The following HMGA2 variants were observed in gnomAD, a reference collection of about 807,000 sequenced individuals.
The protein encoded by HMGA2 is high mobility group AT-hook 2.
In HMGA2, 8 loss-of-function variants were observed where a neutral mutation model predicts 19.1. The observed-to-expected ratio is 0.42, with a 90% CI of 0.25 to 0.76. The LOEUF (loss-of-function observed/expected upper bound fraction) is 0.76. Among genes scored for constraint, HMGA2 ranks in the 30% least tolerant of loss-of-function variants. HMGA2 has a pLI of 0.28. For synonymous variants in HMGA2, 60 were observed against 48.8 expected (o/e 1.23, Z -0.96); for missense variants, 109 against 136.3 (o/e 0.80, Z 1.00).
At chr12:65,850,328 G>A (rs1426908437) in intron 3 of HMGA2, among the ~76,000 whole-genome samples, 1 of 152,166 alleles carries the variant, frequency 6.6e-6, no homozygotes, top group Non-Finnish European at 1.5e-5. Context: ...ACTGTTGGAA[G>A]TTCTTAGGGA....
chr12:65,832,410 C>T (rs561553099), intron 2 of HMGA2, among the ~76,000 whole-genome samples: 1 of 152,008 alleles, frequency 6.6e-6, no homozygotes, highest in Non-Finnish European at 1.5e-5. Context: ...CTCTGGCTGA[C>T]CTACATTCCT....
At chr12:65,862,832 T>C (rs976835033) in intron 3 of HMGA2, among the ~76,000 whole-genome samples, 11 of 152,242 alleles carry the variant, frequency 7.2e-5, no homozygotes, top group South Asian at 2.1e-4. Flanking sequence ...AAATGTGATA[T>C]AGAAAGTGGA....
chr12:65,844,232 C>G (rs1318896229), intron 3 of HMGA2, among the ~76,000 whole-genome samples: 1 of 152,052 alleles, frequency 6.6e-6, no homozygotes, highest in Non-Finnish European at 1.5e-5. Context: ...CCCTTAGACC[C>G]TTGCCATTAT....
intron 3 of HMGA2, among the ~76,000 whole-genome samples, chr12:65,864,833 T>A (rs1384625035): frequency 6.6e-6 from 1 of 152,222 alleles, no homozygotes; most frequent in Non-Finnish European, 1.5e-5. Flanking sequence ...ATTTTTTCAC[T>A]TCAGCTCTTT....
chr12:65,863,166 C>T (rs953819908), intron 3 of HMGA2, among the ~76,000 whole-genome samples: 2 of 152,174 alleles, frequency 1.3e-5, no homozygotes, highest in Non-Finnish European at 1.5e-5. Flanking sequence ...GGGGCCAGAT[C>T]ATTAACTCAT....
intron 2 of HMGA2, among the ~76,000 whole-genome samples, chr12:65,837,765 C>T (rs1306435024): frequency 6.6e-6 from 1 of 152,132 alleles, no homozygotes; most frequent in African/African-American, 2.4e-5. Flanking sequence ...AATAAACTCT[C>T]AAGATAGAAA....
chr12:65,842,066 G>C (rs887531721), intron 3 of HMGA2: 1 of 1,265,176 alleles, frequency 7.9e-7, no homozygotes, highest in Admixed American at 2.6e-5. Flanking sequence ...TGATTTTCAT[G>C]TGTGTGCGTG....
At chr12:65,914,955 G>T (rs562744273) in intron 3 of HMGA2, 3 of 1,496,038 alleles carry the variant, frequency 2.0e-6, no homozygotes, top group South Asian at 2.3e-5. Flanking sequence ...GAATACAGGC[G>T]TGAGCCATCG....
chr12:65,915,356 T>G, intron 3 of HMGA2: 1 of 1,341,336 alleles, frequency 7.5e-7, no homozygotes. Context: ...TTGTACGAAT[T>G]TGAAAAAAGT....
At position 65,825,645 on chromosome 12, in the gene HMGA2, G is replaced by C. The variant is rs1173805897; in HGVS notation, c.111+264G>C. On this transcript the variant is annotated intron_variant, in intron 1 of 4. Coordinates refer to ENST00000403681, the MANE Select transcript of HMGA2 (RefSeq NM_003483.6). The surrounding 1 kb of genome is among the most constrained non-coding windows in gnomAD (Gnocchi z 4.4). ...GTGGGGTCGGGCGAAGCGCGTCCTC[G>C]GACTTTCGCTATTGTGCACGGCCCC... 1.3e-5 allele frequency among the ~76,000 whole-genome samples: 2 copies of C among 151,914 alleles called. No individual in the cohort carries two copies. The highest frequency in any genetic ancestry group is 4.8e-5 in the African/African-American group (2 of 41,376).
chr12:65,931,449 C>G (rs1875706942), intron 3 of HMGA2, among the ~76,000 whole-genome samples: 1 of 151,968 alleles, frequency 6.6e-6, no homozygotes, highest in African/African-American at 2.4e-5. Flanking sequence ...TGTTGAAAGA[C>G]TTAAGAGATT....
At chr12:65,925,307 G>T (rs763055281) in intron 3 of HMGA2, among the ~76,000 whole-genome samples, 4 of 152,066 alleles carry the variant, frequency 2.6e-5, no homozygotes, top group Non-Finnish European at 5.9e-5. Context: ...ATTGACTTTT[G>T]GACAATTTCT....
In HMGA2 at chr12:65,849,736, A is replaced by ATTTTTTTTTTTTTTTTTT. The variant is rs34541445; in HGVS notation, c.249+11174_249+11191dup. Among the ~76,000 whole-genome samples the ATTTTTTTTTTTTTTTTTT allele has an allele frequency of 1.8e-4, 15 of 85,126 alleles. 2 individuals carry two copies. The highest frequency in any genetic ancestry group is 3.8e-4 in the African/African-American group (7 of 18,530). 55.8% of individuals were successfully genotyped at this position (85,126 alleles called of 152,430 possible). On this transcript the variant is annotated intron_variant, in intron 3 of 4. Transcript: ENST00000403681. Reference sequence around the variant, plus strand: ...AAACCAAGACAATGGTAGGCTCTGTATTTTTTTTTTTTTTTTTTTTTTTTG... The same window carrying ATTTTTTTTTTTTTTTTTT: ...AAACCAAGACAATGGTAGGCTCTGTATTTTTTTTTTTTTTTTTTTTTTTTTTTTTTTTTTTTTTTTTTG...
At chr12:65,838,344 A>G (rs1309404661) in intron 2 of HMGA2, among the ~76,000 whole-genome samples, 175 bp from the exon 3 acceptor site, 2 of 151,876 alleles carry the variant, frequency 1.3e-5, no homozygotes, top group Non-Finnish European at 2.9e-5. Flanking sequence ...TCTACTCAGA[A>G]ATGTGGAAAA....
intron 3 of HMGA2, among the ~76,000 whole-genome samples, chr12:65,880,950 C>T (rs1873343694): frequency 6.6e-6 from 1 of 152,068 alleles, no homozygotes; most frequent in Admixed American, 6.6e-5. Context: ...CCCATAAAAC[C>T]ACTCGTAAAT....
chr12:65,895,814 T>A (rs955993133), intron 3 of HMGA2, among the ~76,000 whole-genome samples: 7 of 152,204 alleles, frequency 4.6e-5, no homozygotes, highest in Non-Finnish European at 1.0e-4. Flanking sequence ...TTATGCTTTG[T>A]TCCGCTCTGA....
At chr12:65,881,731 A>G (rs1464625201) in intron 3 of HMGA2, 2 of 702,946 alleles carry the variant, frequency 2.8e-6, no homozygotes. Flanking sequence ...CTCCGCACAC[A>G]TTCCCTCCCA....
chr12:65,843,792 T>C (rs1460627580), intron 3 of HMGA2, among the ~76,000 whole-genome samples: 1 of 152,264 alleles, frequency 6.6e-6, no homozygotes, highest in Middle Eastern at 3.4e-3. Context: ...CTCATGCCTG[T>C]AATCCCAGCA....
intron 3 of HMGA2, among the ~76,000 whole-genome samples, chr12:65,888,791 C>T (rs1873782359): frequency 6.6e-6 from 1 of 151,044 alleles, no homozygotes; most frequent in South Asian, 2.1e-4. Context: ...TCTCGACCTC[C>T]TGACCTCGTG....
Sources: gnomAD v4.1 joint callset for allele counts (sites outside exome capture counted in the v4.1 genomes callset) on GRCh38, gnomAD v4.1.1 for gene constraint, Gnocchi (gnomAD v3.1) non-coding constraint, MANE v1.5 for transcripts, NCBI Gene and HGNC (gene_info 2026-07-23, HGNC 2026-07-21) for gene names.